The following ITSN1 variants were observed in gnomAD, a reference collection of about 807,000 sequenced individuals.
The protein encoded by ITSN1 is intersectin 1.
ITSN1 carries 58 observed loss-of-function variants against 239.8 expected under a neutral mutation model. That is an observed-to-expected ratio of 0.24 (90% CI 0.20 to 0.30). The LOEUF (loss-of-function observed/expected upper bound fraction) is 0.30, where lower values mean the gene tolerates loss of function less well. Among genes scored for constraint, ITSN1 ranks in the 10% least tolerant of loss-of-function variants. The probability of loss-of-function intolerance (pLI) is 1.00; values close to 1 mark genes in which losing one functional copy is unlikely to be tolerated. For missense variants in ITSN1, 1,558 were observed against 2,103.3 expected (o/e 0.74, Z 5.07); for synonymous variants, 780 against 770.8 (o/e 1.01, Z -0.20).
In ITSN1 at chr21:33,739,854, A is replaced by T. The variant is rs547098523; in HGVS notation, c.346+4650A>T. On this transcript the variant is annotated intron_variant, in intron 5 of 39. Coordinates refer to ENST00000381318, the MANE Select transcript of ITSN1 (RefSeq NM_003024.3). Reference sequence around the variant, plus strand: ...AGCAGAAGAGTGACGTGGTTGATAGACTTATCTGTGTTATCTGAAGACTGG... The same window carrying T: ...AGCAGAAGAGTGACGTGGTTGATAGTCTTATCTGTGTTATCTGAAGACTGG... Among the ~76,000 whole-genome samples, 115 of 152,328 alleles carry T rather than the reference A, an allele frequency of 7.5e-4. 1 individual carries two copies. Among genetic ancestry groups the T allele is most frequent in the African/African-American group, 2.5e-3 (105 of 41,564 alleles).
intron 4 of ITSN1, among the ~76,000 whole-genome samples, chr21:33,722,875 A>C (rs1046591660): frequency 2.6e-5 from 4 of 152,246 alleles, no homozygotes; most frequent in African/African-American, 7.2e-5. Flanking sequence ...GAATGACAAC[A>C]CTGTCAAAAA....
chr21:33,869,341 G>A (rs538867469), intron 33 of ITSN1, among the ~76,000 whole-genome samples: 1 of 152,280 alleles, frequency 6.6e-6, no homozygotes, highest in South Asian at 2.1e-4. Flanking sequence ...CAGCGAAGGG[G>A]GAAACCCCTT....
intron 30 of ITSN1, among the ~76,000 whole-genome samples, chr21:33,857,420 G>C (rs990177943): frequency 3.9e-5 from 6 of 152,344 alleles, no homozygotes; most frequent in African/African-American, 1.4e-4. Context: ...ACCTCATCCA[G>C]AACTATGGGG....
At chr21:33,717,847 G>A (rs531415169) in intron 1 of ITSN1, among the ~76,000 whole-genome samples, 119 of 152,298 alleles carry the variant, frequency 7.8e-4, no homozygotes, top group African/African-American at 2.7e-3. Context: ...GATTACAGGC[G>A]TGAGCCACTG....
chr21:33,764,951 G>A (rs575229257), intron 9 of ITSN1, among the ~76,000 whole-genome samples: 21 of 152,344 alleles, frequency 1.4e-4, no homozygotes, highest in Admixed American at 9.1e-4. Flanking sequence ...CTCTGTGGCT[G>A]GAGTTCATAA....
intron 4 of ITSN1, among the ~76,000 whole-genome samples, chr21:33,725,588 T>C (rs923369151): frequency 6.6e-6 from 1 of 152,168 alleles, no homozygotes; most frequent in African/African-American, 2.4e-5. Flanking sequence ...AGCAAGACCC[T>C]GTCTCTAAAA....
chr21:33,669,116 T>A (rs1345025738), intron 1 of ITSN1, among the ~76,000 whole-genome samples: 2 of 152,230 alleles, frequency 1.3e-5, no homozygotes, highest in Non-Finnish European at 2.9e-5. Flanking sequence ...ACAGTCTTGC[T>A]CTGTTGCCCA....
chr21:33,850,612 A>AC (rs1323923155), intron 29 of ITSN1, among the ~76,000 whole-genome samples: 1 of 151,844 alleles, frequency 6.6e-6, no homozygotes, highest in Non-Finnish European at 1.5e-5. Flanking sequence ...TTCTCACTGA[A>AC]CCCCGGGGCC....
intron 1 of ITSN1, among the ~76,000 whole-genome samples, 159 bp from the exon 2 acceptor site, chr21:33,718,638 C>T (rs931125083): frequency 3.3e-5 from 5 of 152,076 alleles, no homozygotes; most frequent in African/African-American, 1.2e-4. Context: ...CAACTGTATA[C>T]TTAAAAAGTA....
chr21:33,888,582 G>T lies in ITSN1; in HGVS notation c.*282G>T. 3.4e-6 allele frequency: 1 copy of T among 292,374 alleles called. No homozygotes were observed. Among genetic ancestry groups the T allele is most frequent in the Middle Eastern group, 1.0e-3 (1 of 960 alleles). 18.1% of individuals were successfully genotyped at this position (292,374 alleles called of 1,614,324 possible). On this transcript the variant is annotated 3_prime_UTR_variant, in exon 40 of 40. Transcript: ENST00000381318. ...CTGAAATCCCATAGCCCTCAACAGG[G>T]TGCAGCTGGGAGTCTAGCCCCTTCC...
At chr21:33,745,119 C>G (rs1052062786) in intron 5 of ITSN1, among the ~76,000 whole-genome samples, 3 of 152,200 alleles carry the variant, frequency 2.0e-5, no homozygotes, top group Non-Finnish European at 4.4e-5. Context: ...GCCAAGATCA[C>G]AAAAAGACAG....
At chr21:33,860,465 C>T (rs1980296589) in intron 31 of ITSN1, among the ~76,000 whole-genome samples, 1 of 152,172 alleles carries the variant, frequency 6.6e-6, no homozygotes, top group African/African-American at 2.4e-5. Context: ...CAGGGTTGGC[C>T]TGAGGGAAAC....
rs200026785 is a variant in ITSN1 at position 33,751,027 on chromosome 21, C to T, written c.526+705C>T. ...TAGCATCATACTTGAAACATTTCTG[C>T]GCCTTTGGCCCCCTGAATTTGTTGT... is the stretch of plus-strand genomic sequence containing the variant. On this transcript the variant is annotated intron_variant, in intron 6 of 39. Coordinates refer to ENST00000381318, the MANE Select transcript of ITSN1 (RefSeq NM_003024.3). 2.7e-4 allele frequency among the ~76,000 whole-genome samples: 41 copies of T among 152,292 alleles called. No homozygotes were observed. The East Asian group carries it at 2.9e-3, about 11-fold the overall frequency.
At chr21:33,829,427 A>C in intron 26 of ITSN1, 197 bp from the exon 27 acceptor site, 2 of 611,046 alleles carry the variant, frequency 3.3e-6, no homozygotes, top group South Asian at 3.9e-5. Context: ...AGGATCAGCC[A>C]GGCCCTTGAA....
At chr21:33,877,342 C>G (rs1984109598) in intron 34 of ITSN1, among the ~76,000 whole-genome samples, 1 of 152,070 alleles carries the variant, frequency 6.6e-6, no homozygotes, top group Non-Finnish European at 1.5e-5. Flanking sequence ...GCGTGATTAC[C>G]GCACCTGGCC....
intron 1 of ITSN1, among the ~76,000 whole-genome samples, chr21:33,645,282 T>G (rs1486460034): frequency 6.6e-6 from 1 of 152,188 alleles, no homozygotes; most frequent in African/African-American, 2.4e-5. Context: ...TGGCTCCACT[T>G]AACTGGTTGG....
At chr21:33,770,050 C>T (rs575501737) in intron 11 of ITSN1, among the ~76,000 whole-genome samples, 7 of 151,222 alleles carry the variant, frequency 4.6e-5, no homozygotes, top group South Asian at 4.2e-4. Flanking sequence ...CCACTCTCAA[C>T]GGCTAATTTT....
rs907393333 is a variant in ITSN1, at chr21:33,836,639, G to A, written c.3661+7G>A. 8 of 1,610,194 alleles carry A rather than the reference G, an allele frequency of 5.0e-6. No individual in the cohort carries two copies. The highest frequency in any genetic ancestry group is 6.8e-6 in the Non-Finnish European group (8 of 1,177,108). ...ATGGACCCAAGCCAGCAATGTAAGT[G>A]CCCTGGTGGCTCTGTCGCCTCGCCT... is the stretch of plus-strand genomic sequence containing the variant. On this transcript the variant is annotated splice_region_variant and intron_variant, in intron 29 of 39. Transcript: ENST00000381318.
chr21:33,657,706 C>T (rs1219291784), intron 1 of ITSN1, among the ~76,000 whole-genome samples: 1 of 152,194 alleles, frequency 6.6e-6, no homozygotes, highest in Non-Finnish European at 1.5e-5. Context: ...CACATATAAG[C>T]AGGGCTCCGT....
Sources: gnomAD v4.1 joint callset for allele counts (sites outside exome capture counted in the v4.1 genomes callset) on GRCh38, gnomAD v4.1.1 for gene constraint, MANE v1.5 for transcripts, NCBI Gene and HGNC (gene_info 2026-07-23, HGNC 2026-07-21) for gene names.